The following MADD variants were observed in gnomAD, a reference collection of about 807,000 sequenced individuals.
MADD encodes MAP kinase-activating death domain protein.
A neutral mutation model predicts 176.7 loss-of-function variants in MADD; 109 were observed. That is an observed-to-expected ratio of 0.62 (90% CI 0.53 to 0.72). MADD has a LOEUF of 0.72. Among genes scored for constraint, MADD ranks in the 30% least tolerant of loss-of-function variants. MADD has a pLI of 0.00. For missense variants in MADD, 1,914 were observed against 2,045.5 expected (o/e 0.94, Z 1.24); for synonymous variants, 771 against 771.3 (o/e 1.00, Z 0.01).
intron 25 of MADD, among the ~76,000 whole-genome samples, chr11:47,310,596 A>G (rs1002323591): frequency 6.6e-6 from 1 of 152,066 alleles, no homozygotes; most frequent in South Asian, 2.1e-4. Context: ...ACAATAGTAG[A>G]TTTTAAAACC....
intron 20 of MADD, 114 bp downstream of exon 22, chr11:47,294,097 C>A: frequency 3.4e-6 from 3 of 880,420 alleles, no homozygotes; most frequent in Non-Finnish European, 5.3e-6. Context: ...TGCTTGTAAT[C>A]CCAGCACTTT....
intron 10 of MADD, among the ~76,000 whole-genome samples, chr11:47,283,182 C>T (rs2058238071): frequency 1.3e-5 from 2 of 152,238 alleles, no homozygotes; most frequent in African/African-American, 4.8e-5. Context: ...CCAGCTCCGC[C>T]TCCCGGCTTC....
intron 19 of MADD, among the ~76,000 whole-genome samples, 171 bp downstream of exon 20, chr11:47,290,987 A>G (rs1386903692): frequency 3.9e-5 from 6 of 152,006 alleles, no homozygotes; most frequent in South Asian, 2.1e-4. Flanking sequence ...TCTAGTCTTT[A>G]TGCTTCATCC....
intron 20 of MADD, among the ~76,000 whole-genome samples, chr11:47,295,017 GTT>G (rs113012334): frequency 6.8e-6 from 1 of 146,586 alleles, no homozygotes; most frequent in Non-Finnish European, 1.5e-5. Flanking sequence ...TTGTTTTTTT[GTT>G]TTTTTTTTTG....
intron 10 of MADD, among the ~76,000 whole-genome samples, chr11:47,283,962 C>T (rs1023104817): frequency 2.6e-5 from 4 of 152,388 alleles, no homozygotes; most frequent in African/African-American, 4.8e-5. Flanking sequence ...CCCGCCTTAG[C>T]GTCCCAAAGT....
exon 10 of MADD, chr11:47,282,838 T>A: frequency 6.2e-7 from 1 of 1,614,176 alleles, no homozygotes; most frequent in Non-Finnish European, 8.5e-7. Context: ...CCCTGATTGG[T>A]GACAAGCCAA....
At chr11:47,317,838 C>T (rs1006616567) in intron 27 of MADD, among the ~76,000 whole-genome samples, 3 of 151,564 alleles carry the variant, frequency 2.0e-5, no homozygotes, top group Non-Finnish European at 2.9e-5. Flanking sequence ...GGCATGATCT[C>T]GGCTCACTGC....
At chr11:47,323,621 A>C in intron 27 of MADD, 50 bp from the exon 31 acceptor site, 1 of 1,591,244 alleles carries the variant, frequency 6.3e-7, no homozygotes, top group Non-Finnish European at 8.6e-7. Context: ...CAGTCTAGGG[A>C]GAGGCTGTCA....
In MADD at chr11:47,279,943, C is replaced by T. The variant is rs538036134; in HGVS notation, c.1290+864C>T. ...AAAATTAGCCGGGCATGGTGGTGGACGCCCGTAGTCCAGCTACTCAGGAGG... is the reference window on the plus strand; with the variant it reads ...AAAATTAGCCGGGCATGGTGGTGGATGCCCGTAGTCCAGCTACTCAGGAGG... On this transcript the variant is annotated intron_variant, in intron 7 of 32. Transcript: ENST00000402192. 4.1e-4 allele frequency among the ~76,000 whole-genome samples: 63 copies of T among 152,054 alleles called. 1 individual carries two copies. The highest frequency in any genetic ancestry group is 2.9e-3 in the Admixed American group (45 of 15,276).
At chr11:47,277,485 C>T (rs897256977) in intron 5 of MADD, among the ~76,000 whole-genome samples, 1 of 152,038 alleles carries the variant, frequency 6.6e-6, no homozygotes, top group South Asian at 2.1e-4. Context: ...TTAGTAGAGG[C>T]GGGGTTTCAC....
At chr11:47,282,337 C>T (rs1313540118) in intron 8 of MADD, 44 bp from the exon 9 acceptor site, 14 of 1,539,218 alleles carry the variant, frequency 9.1e-6, no homozygotes, top group Non-Finnish European at 1.3e-5. Flanking sequence ...CATGGGAATC[C>T]TTACCCTATG....
chr11:47,316,363 A>G (rs2092928320), intron 27 of MADD, among the ~76,000 whole-genome samples: 1 of 149,016 alleles, frequency 6.7e-6, no homozygotes, highest in African/African-American at 2.5e-5. Flanking sequence ...TGTAAATTCC[A>G]GTGGATTTTT....
At chr11:47,328,977 G>A in intron 32 of MADD, 69 bp from the exon 37 acceptor site, 1 of 1,337,546 alleles carries the variant, frequency 7.5e-7, no homozygotes, top group Non-Finnish European at 1.1e-6. Context: ...GTTGCCCATT[G>A]GCAGATCCTT....
chr11:47,309,017 T>TG, intron 23 of MADD: 1 of 1,614,088 alleles, frequency 6.2e-7, no homozygotes, highest in Non-Finnish European at 8.5e-7. Flanking sequence ...AGTTAGAGGA[T>TG]GCAGCTATGG....
chr11:47,320,649 T>C (rs1002531947), intron 27 of MADD, among the ~76,000 whole-genome samples: 1 of 150,826 alleles, frequency 6.6e-6, no homozygotes, highest in Non-Finnish European at 1.5e-5. Flanking sequence ...GTCATACATG[T>C]GGTGATGTAT....
chr11:47,293,021 T>G (rs1241344053), intron 19 of MADD, among the ~76,000 whole-genome samples: 2 of 152,144 alleles, frequency 1.3e-5, no homozygotes, highest in African/African-American at 4.8e-5. Context: ...CTTTCTTGCT[T>G]TCTGTCATTC....
chr11:47,274,791 C>A, exon 3 of MADD: 2 of 1,614,224 alleles, frequency 1.2e-6, no homozygotes, highest in South Asian at 1.1e-5. Context: ...GTGTTAACTT[C>A]TACCGCTCCT....
chr11:47,275,152 G>A (rs759450523), exon 3 of MADD: 31 of 1,611,028 alleles, frequency 1.9e-5, no homozygotes, highest in African/African-American at 8.0e-5. Context: ...CCCTCGAGGC[G>A]TACAAAGGTA....
At chr11:47,316,205 A>G (rs985021223) in intron 27 of MADD, among the ~76,000 whole-genome samples, 1 of 152,154 alleles carries the variant, frequency 6.6e-6, no homozygotes, top group Non-Finnish European at 1.5e-5. Context: ...ATCTATATAT[A>G]GATGATATAG....
Sources: gnomAD v4.1 joint callset for allele counts (sites outside exome capture counted in the v4.1 genomes callset) on GRCh38, gnomAD v4.1.1 for gene constraint, MANE v1.5 for transcripts, NCBI Gene and HGNC (gene_info 2026-07-23, HGNC 2026-07-21) for gene names.